Variants in CTNND2 observed in about 807,000 individuals in gnomAD.
CTNND2 encodes the protein catenin delta 2, also known as catenin delta-2.
A neutral mutation model predicts 144.4 loss-of-function variants in CTNND2; 22 were observed. That is an observed-to-expected ratio of 0.15 (90% confidence interval 0.11 to 0.22). The LOEUF (loss-of-function observed/expected upper bound fraction) is 0.22, where lower values mean the gene tolerates loss of function less well. Ranked by LOEUF, CTNND2 falls within the 10% of genes least tolerant of loss-of-function variation. The pLI is 1.00. For missense variants in CTNND2, 1,353 were observed against 1,618.8 expected (o/e 0.84, Z 2.82); for synonymous variants, 751 against 695.6 (o/e 1.08, Z -1.25).
intron 3 of CTNND2, among the ~76,000 whole-genome samples, chr5:11,437,476 G>C (rs1660520854): frequency 1.1e-4 from 17 of 152,132 alleles, no homozygotes; most frequent in Admixed American, 1.1e-3. Context: ...AAGAGTGTTG[G>C]GAACGATTTT....
intron 1 of CTNND2, among the ~76,000 whole-genome samples, chr5:11,806,869 A>G (rs1054524787): frequency 6.6e-6 from 1 of 152,140 alleles, no homozygotes; most frequent in African/African-American, 2.4e-5. Context: ...TTCCACTTTT[A>G]TTAAGCAAAA....
chr5:11,731,452 C>T (rs11954346), intron 2 of CTNND2, among the ~76,000 whole-genome samples: 36,867 of 152,026 alleles, frequency 0.24, 5,402 homozygotes, highest in African/African-American at 0.41. Flanking sequence ...TTTTAAAAAC[C>T]GTTATACTTT....
At chr5:11,299,632 A>C (rs567181091) in intron 9 of CTNND2, among the ~76,000 whole-genome samples, 1 of 152,302 alleles carries the variant, frequency 6.6e-6, no homozygotes, top group East Asian at 1.9e-4. Flanking sequence ...TGGGTCGTCT[A>C]AGGTAGAAAC....
intron 3 of CTNND2, among the ~76,000 whole-genome samples, chr5:11,520,799 T>C (rs77207094): frequency 0.013 from 1,952 of 152,318 alleles, 16 homozygotes; most frequent in Non-Finnish European, 0.019. Flanking sequence ...AGAAGCTGTG[T>C]TATTTCAACA....
chr5:11,543,523 A>G (rs1774944880), intron 3 of CTNND2, among the ~76,000 whole-genome samples: 1 of 152,178 alleles, frequency 6.6e-6, no homozygotes, highest in African/African-American at 2.4e-5. Context: ...ACAATGAATT[A>G]GGTCAACTTC....
intron 16 of CTNND2, among the ~76,000 whole-genome samples, chr5:11,033,139 C>T (rs544240759): frequency 7.9e-5 from 12 of 152,202 alleles, no homozygotes; most frequent in African/African-American, 2.4e-4. Flanking sequence ...AAAAGTCACA[C>T]AGAAATATAG....
At chr5:11,172,129 G>T (rs13188937) in intron 11 of CTNND2, among the ~76,000 whole-genome samples, 9,332 of 152,176 alleles carry the variant, frequency 0.061, 354 homozygotes, top group South Asian at 0.085. Flanking sequence ...GAAAGATACC[G>T]ATGCACTAGC....
At chr5:11,549,348 CGAAT>C (rs879895885) in intron 3 of CTNND2, among the ~76,000 whole-genome samples, 5 of 152,048 alleles carry the variant, frequency 3.3e-5, no homozygotes, top group East Asian at 3.9e-4. Context: ...AATGAACAAA[CGAAT>C]GGATGGAGGA....
chr5:11,522,244 T>C (rs923775195), intron 3 of CTNND2, among the ~76,000 whole-genome samples: 2 of 152,228 alleles, frequency 1.3e-5, no homozygotes, highest in Non-Finnish European at 2.9e-5. Context: ...AAAAGTATAA[T>C]TTATTTCTCA....
chr5:11,511,090 G>T (rs2150025263), intron 3 of CTNND2, among the ~76,000 whole-genome samples: 2 of 152,296 alleles, frequency 1.3e-5, no homozygotes, highest in South Asian at 4.1e-4. Flanking sequence ...ATGAGGCCTT[G>T]CACAGTAAAA....
intron 2 of CTNND2, among the ~76,000 whole-genome samples, chr5:11,629,579 G>C (rs73057714): frequency 0.017 from 2,579 of 152,312 alleles, 88 homozygotes; most frequent in African/African-American, 0.059. Flanking sequence ...AGTAACACCA[G>C]TGGTGAGTTT....
At chr5:11,343,531 A>C (rs1754467692) in intron 9 of CTNND2, among the ~76,000 whole-genome samples, 1 of 152,220 alleles carries the variant, frequency 6.6e-6, no homozygotes. Context: ...AAAAAAAATC[A>C]TAAATATACT....
chr5:11,597,543 T>C (rs981371100), intron 2 of CTNND2, among the ~76,000 whole-genome samples: 2 of 152,228 alleles, frequency 1.3e-5, no homozygotes, highest in African/African-American at 4.8e-5. Context: ...TAATGTGCTT[T>C]TCTTAATTCA....
At chr5:11,547,268 AAAATAAATAAATAAATAAATAAATAAAT>A (rs140923100) in intron 3 of CTNND2, among the ~76,000 whole-genome samples, 15 of 143,110 alleles carry the variant, frequency 1.0e-4, no homozygotes, top group South Asian at 2.3e-4. Flanking sequence ...ATTCCATCTC[AAAATAAATAAATAAATAAATAAATAAAT>A]AAATAAATAA....
chr5:11,437,218 G>T (rs1763852276), intron 3 of CTNND2, among the ~76,000 whole-genome samples: 1 of 152,178 alleles, frequency 6.6e-6, no homozygotes, highest in Admixed American at 6.5e-5. Flanking sequence ...GCATATTCAT[G>T]ACAGTAATTC....
chr5:11,831,433 C>T (rs1463493758), intron 1 of CTNND2, among the ~76,000 whole-genome samples: 2 of 152,012 alleles, frequency 1.3e-5, no homozygotes, highest in Non-Finnish European at 1.5e-5. Context: ...CTTTAGGAGG[C>T]TGAGCCGGGT....
At chr5:11,039,194 C>G (rs934803206) in intron 16 of CTNND2, among the ~76,000 whole-genome samples, 1 of 152,226 alleles carries the variant, frequency 6.6e-6, no homozygotes, top group South Asian at 2.1e-4. Context: ...CAATCAACAT[C>G]ATCTCTGACA....
At chr5:11,802,424 G>A (rs528378170) in intron 1 of CTNND2, among the ~76,000 whole-genome samples, 2 of 149,432 alleles carry the variant, frequency 1.3e-5, no homozygotes, top group South Asian at 4.3e-4. Context: ...AAAATTAGCT[G>A]GGCGTGGTGG....
At chr5:11,467,601 C>A (rs373443359) in intron 3 of CTNND2, among the ~76,000 whole-genome samples, 6 of 152,048 alleles carry the variant, frequency 3.9e-5, no homozygotes, top group Admixed American at 3.3e-4. Flanking sequence ...AAAATAAGTA[C>A]GTAGACTTAA....
Sources: gnomAD v4.1 joint callset for allele counts (sites outside exome capture counted in the v4.1 genomes callset) on GRCh38, gnomAD v4.1.1 for gene constraint, MANE v1.5 for transcripts, NCBI Gene and HGNC (gene_info 2026-07-23, HGNC 2026-07-21) for gene names.